The following ARHGAP5 variants were observed in gnomAD, a reference collection of about 807,000 sequenced individuals.
ARHGAP5 encodes Rho GTPase activating protein 5, also known as rho GTPase-activating protein 5.
In ARHGAP5, 23 loss-of-function variants were observed where a neutral mutation model predicts 116.6. That is an observed-to-expected ratio of 0.20 (90% CI 0.14 to 0.28). The LOEUF is 0.28. ARHGAP5 is among the 10% of genes least tolerant of loss of function. The pLI is 1.00. For missense variants in ARHGAP5, 1,405 were observed against 1,774.8 expected, an observed-to-expected ratio of 0.79 and a Z score of 3.74; for synonymous variants, 574 against 602.0, an observed-to-expected ratio of 0.95 and a Z score of 0.68.
intron 2 of ARHGAP5, among the ~76,000 whole-genome samples, chr14:32,111,379 G>T (rs374123394): frequency 6.6e-6 from 1 of 152,180 alleles, no homozygotes; most frequent in Non-Finnish European, 1.5e-5. Context: ...AGATAACAGG[G>T]GTGGTCTCTT....
At chr14:32,101,898 G>A (rs1878808624) in intron 2 of ARHGAP5, among the ~76,000 whole-genome samples, 1 of 151,970 alleles carries the variant, frequency 6.6e-6, no homozygotes, top group Non-Finnish European at 1.5e-5. Flanking sequence ...CAGGAGAATC[G>A]CCTGAACCCA....
At chr14:32,100,833 G>A (rs1029137346) in intron 2 of ARHGAP5, among the ~76,000 whole-genome samples, 2 of 152,154 alleles carry the variant, frequency 1.3e-5, no homozygotes, top group Non-Finnish European at 2.9e-5. Context: ...AGCCCTTTAA[G>A]AGAACTGCTT....
Position 32,159,429 on chromosome 14 carries a change from T to A in ARHGAP5, c.*4481T>A, listed in dbSNP as rs1882021985. 6.6e-6 allele frequency: 1 copy of A among 152,148 alleles called. No homozygotes were observed. Among genetic ancestry groups the A allele is most frequent in the African/African-American group, 2.4e-5 (1 of 41,456 alleles). The allele number at this position is 152,148 out of a possible 1,614,324, so 9.4% of individuals were successfully genotyped here. A position where few individuals can be genotyped will look rare whatever the true frequency, so the allele number is the denominator to read the frequency against. ...AGTGTTTTAACCTATTTTTTTAAGT[T>A]TATTTTTTGTATTAGATTTTATTTG... On this transcript the variant is annotated 3_prime_UTR_variant, in exon 7 of 7. Transcript: ENST00000345122.
chr14:32,135,668 C>T (rs1414204977), intron 3 of ARHGAP5, among the ~76,000 whole-genome samples: 3 of 152,212 alleles, frequency 2.0e-5, no homozygotes, highest in African/African-American at 7.2e-5. Context: ...GATGATCCAC[C>T]CACCTTGGCC....
rs781482676 is a variant in ARHGAP5, at chr14:32,154,810, G to A, written c.4371G>A (p.Thr1457=). The A allele has an allele frequency of 6.2e-6, 10 of 1,613,948 alleles. No individual in the cohort carries two copies. Among genetic ancestry groups the A allele is most frequent in the East Asian group, 4.5e-5 (2 of 44,868 alleles). ...FFFYNGEIVE[T]TNIVAPPPPS... ...TTTACAATGGAGAAATTGTAGAAAC[G>A]ACAAACATTGTGGCTCCTCCACCAC... Residue 1457 remains threonine, a synonymous_variant, in exon 7 of 7, where the codon ACG becomes ACA. Coordinates refer to ENST00000345122, the MANE Select transcript of ARHGAP5 (RefSeq NM_001030055.2).
chr14:32,133,245 A>C (rs977880497), intron 3 of ARHGAP5, among the ~76,000 whole-genome samples: 1 of 152,118 alleles, frequency 6.6e-6, no homozygotes, highest in South Asian at 2.1e-4. Context: ...ATTTGTTTGT[A>C]TCCTCTTTTA....
chr14:32,151,804 G>A (rs951792554), intron 5 of ARHGAP5, among the ~76,000 whole-genome samples: 1 of 152,128 alleles, frequency 6.6e-6, no homozygotes, highest in Admixed American at 6.5e-5. Flanking sequence ...AATTGCTAAC[G>A]TACCATTTCC....
intron 3 of ARHGAP5, among the ~76,000 whole-genome samples, chr14:32,134,290 T>G (rs910876861): frequency 2.6e-5 from 4 of 152,224 alleles, no homozygotes; most frequent in Non-Finnish European, 4.4e-5. Flanking sequence ...TGACACATTT[T>G]AGTTCAATAA....
chr14:32,146,747 T>G (rs1158595938), intron 4 of ARHGAP5, among the ~76,000 whole-genome samples: 1 of 151,982 alleles, frequency 6.6e-6, no homozygotes, highest in Non-Finnish European at 1.5e-5. Context: ...AGAAGAGGAT[T>G]TGGTAAATAA....
chr14:32,127,062 G>T (rs2139091986), intron 3 of ARHGAP5, among the ~76,000 whole-genome samples: 1 of 149,014 alleles, frequency 6.7e-6, no homozygotes, highest in South Asian at 2.1e-4. Flanking sequence ...CAGTGGTGTA[G>T]TCTTGGCTCA....
In ARHGAP5 at chr14:32,157,823, GGTTT is replaced by G. The variant is rs911095691; in HGVS notation, c.*2880_*2883del. 5.3e-5 allele frequency: 8 copies of G among 150,464 alleles called. No individual in the cohort carries two copies. The highest frequency in any genetic ancestry group is 1.7e-4 in the African/African-American group (7 of 41,258). The allele number at this position is 150,464 out of a possible 1,614,324, so 9.3% of individuals were successfully genotyped here. On this transcript the variant is annotated 3_prime_UTR_variant, in exon 7 of 7. Coordinates refer to ENST00000345122, the MANE Select transcript of ARHGAP5 (RefSeq NM_001030055.2). ...AGACCTGGGTTTTTTTGTTTATTTG[GGTTT>G]GTTTTTTTTTTTGAGGTACTGGAAT...
chr14:32,078,388 A>T (rs2138988588), intron 1 of ARHGAP5: 1 of 152,348 alleles, frequency 6.6e-6, no homozygotes, highest in Admixed American at 6.5e-5. Flanking sequence ...AGAAATTCGG[A>T]TTTGGCCATC....
chr14:32,085,829 A>G (rs2041823745), intron 1 of ARHGAP5, among the ~76,000 whole-genome samples: 1 of 152,162 alleles, frequency 6.6e-6, no homozygotes, highest in South Asian at 2.1e-4. Context: ...GTTGTACTCA[A>G]CTTCACTTTT....
At chr14:32,147,441 A>G (rs552323591) in intron 4 of ARHGAP5, among the ~76,000 whole-genome samples, 1 of 152,210 alleles carries the variant, frequency 6.6e-6, no homozygotes, top group Non-Finnish European at 1.5e-5. Flanking sequence ...AAAGGATTAT[A>G]TTTATTTGTT....
At chr14:32,077,892 A>G (rs1449424573) in intron 1 of ARHGAP5, among the ~76,000 whole-genome samples, 2 of 151,984 alleles carry the variant, frequency 1.3e-5, no homozygotes, top group African/African-American at 2.4e-5. Flanking sequence ...ATTCGCGGAA[A>G]CACAGTCTCG....
chr14:32,133,874 T>C (rs1026560725), intron 3 of ARHGAP5, among the ~76,000 whole-genome samples: 4 of 152,186 alleles, frequency 2.6e-5, no homozygotes, highest in Non-Finnish European at 5.9e-5. Context: ...TGTTTATATG[T>C]TGGATTACAT....
chr14:32,114,634 C>T (rs994622544), intron 2 of ARHGAP5, among the ~76,000 whole-genome samples: 3 of 152,278 alleles, frequency 2.0e-5, no homozygotes, highest in East Asian at 3.9e-4. Context: ...AACAGAGTTG[C>T]ATATAATCTG....
At position 32,116,317 on chromosome 14, in the gene ARHGAP5, G is replaced by A. The variant is rs139716551; in HGVS notation, c.3718-823G>A. Among the ~76,000 whole-genome samples the A allele has an allele frequency of 8.9e-4, 135 of 150,914 alleles. 1 individual carries two copies. In the East Asian group the frequency reaches 0.024, roughly 27 times the overall value. The stretch of plus-strand genomic sequence containing the variant: ...AAAAAATAAATAAATAAGGCTGGGC[G>A]CGGTGGCTCACACCTGTAATCCCAG... On this transcript the variant is annotated intron_variant, in intron 2 of 6. Transcript: ENST00000345122.
intron 2 of ARHGAP5, among the ~76,000 whole-genome samples, chr14:32,107,467 T>C (rs1243144743): frequency 6.6e-6 from 1 of 152,234 alleles, no homozygotes; most frequent in Non-Finnish European, 1.5e-5. Flanking sequence ...GGTGCCTGTT[T>C]TTAGTTGTTT....
Sources: allele counts gnomAD v4.1 joint callset (sites outside exome capture counted in the v4.1 genomes callset), GRCh38; gene constraint gnomAD v4.1.1; transcripts MANE v1.5; gene names NCBI Gene and HGNC (gene_info 2026-07-23, HGNC 2026-07-21).